TEX11: variants seen among roughly 807,000 people sequenced by gnomAD.
TEX11 encodes testis expressed 11.
A neutral mutation model predicts 84.4 loss-of-function variants in TEX11; 7 were observed. The ratio of observed to expected loss-of-function variants is 0.08; its 90% CI spans 0.05 to 0.16. TEX11 has a LOEUF of 0.16. Ranked by LOEUF, TEX11 falls within the 10% of genes least tolerant of loss-of-function variation. The pLI is 1.00. For synonymous variants in TEX11, 264 were observed against 222.8 expected (o/e 1.18, Z -1.64); for missense variants, 551 against 660.5 (o/e 0.83, Z 1.82).
intron 27 of TEX11, among the ~76,000 whole-genome samples, chrX:70,552,667 A>G (rs777377022): frequency 1.4e-3 from 153 of 112,174 alleles, no homozygotes; most frequent in Admixed American, 4.1e-3. Flanking sequence ...CAGACAAAAA[A>G]AGTCACACAA....
At chrX:70,565,885 A>G (rs1188249423) in intron 25 of TEX11, among the ~76,000 whole-genome samples, 6 of 110,876 alleles carry the variant, frequency 5.4e-5, no homozygotes, top group African/African-American at 1.6e-4. Flanking sequence ...TTGGAGATGC[A>G]GGCTCTTTTT....
At chrX:70,640,700 T>G (rs1181130779) in intron 17 of TEX11, among the ~76,000 whole-genome samples, 4 of 108,140 alleles carry the variant, frequency 3.7e-5, no homozygotes, top group Non-Finnish European at 1.9e-5. Flanking sequence ...AATAAAATAC[T>G]TTACAGACAA....
chrX:70,561,685 C>T (rs2088377468), intron 25 of TEX11, among the ~76,000 whole-genome samples: 1 of 110,374 alleles, frequency 9.1e-6, no homozygotes, highest in Admixed American at 9.7e-5. Context: ...CGTGCCCAGC[C>T]CAAATTTACT....
At chrX:70,663,169 C>T (rs2089946254) in intron 16 of TEX11, among the ~76,000 whole-genome samples, 1 of 110,940 alleles carries the variant, frequency 9.0e-6, no homozygotes, top group South Asian at 3.8e-4. Flanking sequence ...CAGAAGATAC[C>T]TCAAAGTTCT....
At chrX:70,891,046 C>G (rs2033109993) in intron 2 of TEX11, among the ~76,000 whole-genome samples, 1 of 112,302 alleles carries the variant, frequency 8.9e-6, no homozygotes, top group African/African-American at 3.2e-5. Context: ...TTCTGCAATA[C>G]TTGCTGTTCT....
intron 9 of TEX11, among the ~76,000 whole-genome samples, chrX:70,793,490 C>G (rs1374561140): frequency 9.0e-6 from 1 of 111,330 alleles, no homozygotes; most frequent in African/African-American, 3.3e-5. Flanking sequence ...CTCACGAAAT[C>G]TGGTTTTGTA....
chrX:70,557,305 TA>T (rs145004457), intron 25 of TEX11, among the ~76,000 whole-genome samples: 40,195 of 92,909 alleles, frequency 0.43, 7,832 homozygotes, highest in East Asian at 0.6. Flanking sequence ...CCCATCTCTA[TA>T]AAAAAAAAAA....
chrX:70,855,934 A>T (rs2147854685), intron 5 of TEX11, among the ~76,000 whole-genome samples: 1 of 111,898 alleles, frequency 8.9e-6, no homozygotes, highest in African/African-American at 3.2e-5. Flanking sequence ...TGGGAAAATA[A>T]ATATCTGTTG....
At chrX:70,842,022 A>G (rs1166393303) in intron 7 of TEX11, among the ~76,000 whole-genome samples, 1 of 111,446 alleles carries the variant, frequency 9.0e-6, no homozygotes, top group Admixed American at 9.6e-5. Flanking sequence ...CCAGGACCAG[A>G]TGGATTCACA....
At chrX:70,612,850 A>C (rs2089277114) in intron 20 of TEX11, among the ~76,000 whole-genome samples, 1 of 111,631 alleles carries the variant, frequency 9.0e-6, no homozygotes, top group African/African-American at 3.3e-5. Flanking sequence ...AAACAGGACA[A>C]ATGACAAAAA....
At chrX:70,565,283 T>A (rs1458505963) in intron 25 of TEX11, among the ~76,000 whole-genome samples, 3 of 109,121 alleles carry the variant, frequency 2.7e-5, no homozygotes, top group Non-Finnish European at 3.8e-5. Context: ...GTTTGAGTTC[T>A]TTGTAGATTC....
chrX:70,645,903 C>A (rs1172760752), intron 17 of TEX11, among the ~76,000 whole-genome samples: 1 of 109,790 alleles, frequency 9.1e-6, no homozygotes, highest in East Asian at 2.8e-4. Flanking sequence ...CATTTTTTCC[C>A]AGAAATAAAA....
rs374068137 is a variant in TEX11 at position 70,584,199 on chromosome X, C to T, written c.2140+7552G>A. ...TCGGGAGGCTGAGGCAGGAGAATGG[C>T]GTGAACCCGGGAAGCGGAACTTGCA... On this transcript the variant is annotated intron_variant, in intron 25 of 29. Coordinates refer to ENST00000374333, the MANE Select transcript of TEX11 (RefSeq NM_031276.3). 4.0e-3 allele frequency among the ~76,000 whole-genome samples: 429 copies of T among 106,686 alleles called. 2 individuals carry two copies. The highest frequency in any genetic ancestry group is 0.014 in the African/African-American group (411 of 29,292). The allele number at this position is 106,686 out of a possible 115,157, so 92.6% of individuals were successfully genotyped here. A position where few individuals can be genotyped will look rare whatever the true frequency, so the allele number is the denominator to read the frequency against.
chrX:70,609,004 A>C, intron 22 of TEX11, 87 bp downstream of exon 22: 1 of 764,939 alleles, frequency 1.3e-6, no homozygotes. Flanking sequence ...ACCCACAGCT[A>C]CAAATGAAAG....
intron 8 of TEX11, among the ~76,000 whole-genome samples, chrX:70,832,501 G>C (rs760310673): frequency 1.8e-5 from 2 of 111,872 alleles, no homozygotes; most frequent in East Asian, 5.6e-4. Flanking sequence ...ACATATAACA[G>C]GCAACATATA....
At chrX:70,651,355 G>T in intron 17 of TEX11, 95 bp downstream of exon 17, 1 of 535,999 alleles carries the variant, frequency 1.9e-6, no homozygotes, top group Non-Finnish European at 3.0e-6. Flanking sequence ...CAATTCTATT[G>T]TCTTAAAAAC....
chrX:70,750,932 AAATAT>A (rs1357947048), intron 9 of TEX11, among the ~76,000 whole-genome samples: 45 of 38,748 alleles, frequency 1.2e-3, no homozygotes, highest in Non-Finnish European at 1.5e-3. Flanking sequence ...AAAAAAAAAA[AAATAT>A]ATATATATAT....
chrX:70,599,434 A>G (rs1264957806), intron 24 of TEX11, among the ~76,000 whole-genome samples: 1 of 112,442 alleles, frequency 8.9e-6, no homozygotes, highest in African/African-American at 3.2e-5. Context: ...ATATTCCTTC[A>G]TCAGCTACTT....
At chrX:70,677,484 C>T (rs2147647456) in intron 15 of TEX11, among the ~76,000 whole-genome samples, 1 of 112,338 alleles carries the variant, frequency 8.9e-6, no homozygotes, top group Admixed American at 9.4e-5. Flanking sequence ...CTGATCAGAA[C>T]TCTGTTAAAC....
Sources: allele counts gnomAD v4.1 joint callset (sites outside exome capture counted in the v4.1 genomes callset), GRCh38; gene constraint gnomAD v4.1.1; transcripts MANE v1.5; gene names NCBI Gene and HGNC (gene_info 2026-07-23, HGNC 2026-07-21).